Variants in INPP4A observed in about 807,000 individuals in gnomAD.
INPP4A encodes inositol polyphosphate-4-phosphatase type I A.
In INPP4A, 33 loss-of-function variants were observed where a neutral mutation model predicts 119.8. That is an observed-to-expected ratio of 0.28 (90% confidence interval 0.21 to 0.37). The LOEUF (loss-of-function observed/expected upper bound fraction) is 0.37. INPP4A is among the 10% of genes least tolerant of loss of function. The pLI, the probability that INPP4A is intolerant of heterozygous loss-of-function variation, is 1.00. For synonymous variants in INPP4A, 496 were observed against 500.7 expected (o/e 0.99, Z 0.12); for missense variants, 956 against 1,289.9 (o/e 0.74, Z 3.97).
chr2:98,499,313 T>C (rs191147896), intron 1 of INPP4A, among the ~76,000 whole-genome samples: 2 of 152,320 alleles, frequency 1.3e-5, no homozygotes, highest in Non-Finnish European at 2.9e-5. Context: ...TTTGATTTCC[T>C]CCCTGTTTCC....
chr2:98,448,120 C>G (rs889761574), intron 1 of INPP4A, among the ~76,000 whole-genome samples: 2 of 149,366 alleles, frequency 1.3e-5, no homozygotes, highest in African/African-American at 4.9e-5. Flanking sequence ...ATTTGGGAGG[C>G]TGAGGTGGGA....
Position 98,546,126 on chromosome 2 carries a change from G to T in INPP4A, c.1054+53G>T, listed in dbSNP as rs1306493070. The T allele has an allele frequency of 7.8e-7, 1 of 1,287,214 alleles. No individual in the cohort carries two copies. Among genetic ancestry groups the T allele is most frequent in the Non-Finnish European group, 1.1e-6 (1 of 908,148 alleles). The allele number at this position is 1,287,214 out of a possible 1,614,324, so 79.7% of individuals were successfully genotyped here. ...GAATCACATTTCGCTGCTTTTCTCTGTGGGTACTTGGTCCCTGAGTACCCC... is the reference window on the plus strand; with the variant it reads ...GAATCACATTTCGCTGCTTTTCTCTTTGGGTACTTGGTCCCTGAGTACCCC... On this transcript the variant is annotated intron_variant, in intron 12 of 24. Coordinates refer to ENST00000409851, the MANE Select transcript of INPP4A (RefSeq NM_001134225.2). This position sits in a 1 kb window ranked among gnomAD's most constrained non-coding sequence, Gnocchi z 4.2.
At chr2:98,466,950 T>C (rs1000944937) in intron 1 of INPP4A, among the ~76,000 whole-genome samples, 4 of 152,234 alleles carry the variant, frequency 2.6e-5, no homozygotes, top group African/African-American at 9.6e-5. Flanking sequence ...TATAAAAGAA[T>C]ACCTGAGGCT....
At chr2:98,558,920 G>A (rs1395809627) in intron 16 of INPP4A, among the ~76,000 whole-genome samples, 2 of 152,194 alleles carry the variant, frequency 1.3e-5, no homozygotes, top group African/African-American at 4.8e-5. Context: ...TTGGGAGATT[G>A]GCATAGAGTT....
At chr2:98,571,579 C>T (rs1575138619) in intron 22 of INPP4A, among the ~76,000 whole-genome samples, 10 of 152,252 alleles carry the variant, frequency 6.6e-5, no homozygotes, top group Admixed American at 5.9e-4. Flanking sequence ...GCAGAGCAGC[C>T]AGGCTGGACC....
chr2:98,564,967 A>C (rs1696167712), intron 19 of INPP4A, among the ~76,000 whole-genome samples: 2 of 152,224 alleles, frequency 1.3e-5, no homozygotes, highest in South Asian at 2.1e-4. Flanking sequence ...GATGGATGCT[A>C]ATTACTTAAC....
intron 10 of INPP4A, among the ~76,000 whole-genome samples, chr2:98,542,973 G>A (rs1691770915): frequency 6.6e-6 from 1 of 151,472 alleles, no homozygotes; most frequent in Non-Finnish European, 1.5e-5. Context: ...AGGCTGGAGT[G>A]CAGTGGTGCG....
chr2:98,500,023 T>A (rs1436820551), intron 1 of INPP4A, among the ~76,000 whole-genome samples: 1 of 152,124 alleles, frequency 6.6e-6, no homozygotes. Flanking sequence ...GGGGAAACCT[T>A]CCCAGTGGTC....
At chr2:98,535,558 GT>G (rs956302370) in intron 5 of INPP4A, among the ~76,000 whole-genome samples, 170 bp from the exon 6 acceptor site, 35 of 152,194 alleles carry the variant, frequency 2.3e-4, no homozygotes, top group African/African-American at 8.2e-4. Context: ...AAAAAGCAGA[GT>G]TTTTTTGTTT....
intron 10 of INPP4A, among the ~76,000 whole-genome samples, chr2:98,542,421 A>G (rs376450176): frequency 1.3e-5 from 2 of 151,906 alleles, no homozygotes; most frequent in African/African-American, 4.9e-5. Context: ...TGAGTGCAGT[A>G]TAAAAAAAAA....
chr2:98,582,209 A>AT (rs1376567294), intron 24 of INPP4A, among the ~76,000 whole-genome samples: 2 of 152,234 alleles, frequency 1.3e-5, no homozygotes, highest in Non-Finnish European at 2.9e-5. Flanking sequence ...AAAGAAAAAA[A>AT]CATGCTTTAT....
intron 1 of INPP4A, among the ~76,000 whole-genome samples, chr2:98,518,578 A>G (rs947101414): frequency 2.0e-5 from 3 of 152,176 alleles, no homozygotes; most frequent in African/African-American, 7.2e-5. Flanking sequence ...TTGCAGCCCC[A>G]TGAGATGGGT....
chr2:98,549,983 A>G (rs1310367902), intron 13 of INPP4A, among the ~76,000 whole-genome samples: 2 of 152,002 alleles, frequency 1.3e-5, no homozygotes, highest in African/African-American at 4.8e-5. Context: ...CGGGACAAGT[A>G]AAGTACTTAG....
chr2:98,529,234 A>G (rs916399297), intron 4 of INPP4A, among the ~76,000 whole-genome samples: 1 of 152,236 alleles, frequency 6.6e-6, no homozygotes, highest in African/African-American at 2.4e-5. Flanking sequence ...GTGCTAATTG[A>G]AGAAGCCAGA....
At chr2:98,468,579 TAAAG>T (rs569100765) in intron 1 of INPP4A, among the ~76,000 whole-genome samples, 1,569 of 151,954 alleles carry the variant, frequency 0.01, 13 homozygotes, top group South Asian at 0.021. Context: ...GGGAGGGTAA[TAAAG>T]GAAGGAAGGG....
chr2:98,539,725 C>A, intron 10 of INPP4A, 50 bp downstream of exon 10: 1 of 1,551,762 alleles, frequency 6.4e-7, no homozygotes, highest in Non-Finnish European at 8.7e-7. Context: ...TGTCATGTGC[C>A]CCTTCCTTTC....
intron 1 of INPP4A, among the ~76,000 whole-genome samples, chr2:98,503,912 C>T (rs963989954): frequency 6.6e-6 from 1 of 152,252 alleles, no homozygotes; most frequent in Non-Finnish European, 1.5e-5. Context: ...CATGAAGGTG[C>T]TGCGTGTCAG....
rs747186897 is a variant in INPP4A, at chr2:98,565,775, T to G, written c.2279+9T>G. ...GTCATCACAGGAAATCGGTAGAGTG[T>G]TGGTTTAAAATTCTCTGAGCCAGAG... On this transcript the variant is annotated intron_variant, in intron 20 of 24. Coordinates refer to ENST00000409851, the MANE Select transcript of INPP4A (RefSeq NM_001134225.2). The G allele has an allele frequency of 6.2e-7, 1 of 1,609,944 alleles. No homozygotes were observed. Among genetic ancestry groups the G allele is most frequent in the Non-Finnish European group, 8.5e-7 (1 of 1,178,698 alleles).
intron 1 of INPP4A, among the ~76,000 whole-genome samples, chr2:98,477,901 G>C (rs1027396819): frequency 6.6e-6 from 1 of 152,216 alleles, no homozygotes; most frequent in Non-Finnish European, 1.5e-5. Context: ...GGCAGAATTT[G>C]AGTCAGGAGG....
Sources: gnomAD v4.1 joint callset for allele counts (sites outside exome capture counted in the v4.1 genomes callset) on GRCh38, gnomAD v4.1.1 for gene constraint, Gnocchi (gnomAD v3.1) non-coding constraint, MANE v1.5 for transcripts, NCBI Gene and HGNC (gene_info 2026-07-23, HGNC 2026-07-21) for gene names.